RAPGEF4: variants seen among roughly 807,000 people sequenced by gnomAD.
RAPGEF4 encodes the protein RAP guanine-nucleotide-exchange factor (GEF) 4.
In RAPGEF4, 66 loss-of-function variants were observed where a neutral mutation model predicts 147.9. That is an observed-to-expected ratio of 0.45 (90% CI 0.37 to 0.55). The LOEUF (loss-of-function observed/expected upper bound fraction) is 0.55. Ranked by LOEUF, RAPGEF4 falls within the 20% of genes least tolerant of loss-of-function variation. The pLI is 0.00. For missense variants in RAPGEF4, 1,071 were observed against 1,257.3 expected (o/e 0.85, Z 2.24); for synonymous variants, 419 against 442.7 (o/e 0.95, Z 0.67).
intron 17 of RAPGEF4, among the ~76,000 whole-genome samples, chr2:173,009,747 A>G (rs1694832310): frequency 6.6e-6 from 1 of 152,206 alleles, no homozygotes; most frequent in African/African-American, 2.4e-5. Context: ...ATTGACAGGT[A>G]TTAAACTATA....
intron 6 of RAPGEF4, among the ~76,000 whole-genome samples, chr2:172,959,553 A>G (rs913444077): frequency 1.3e-5 from 2 of 152,124 alleles, no homozygotes; most frequent in Admixed American, 6.5e-5. Flanking sequence ...TCTGCCTACC[A>G]CAATCTCATA....
intron 23 of RAPGEF4, among the ~76,000 whole-genome samples, chr2:173,022,723 AAT>A (rs1329865522): frequency 4.6e-5 from 7 of 152,234 alleles, no homozygotes; most frequent in Non-Finnish European, 8.8e-5. Context: ...AGCAGCCTGG[AAT>A]AGAACAAGTC....
chr2:172,975,334 T>G (rs1690958312), intron 10 of RAPGEF4, among the ~76,000 whole-genome samples: 1 of 152,168 alleles, frequency 6.6e-6, no homozygotes. Flanking sequence ...TACCACTGTA[T>G]AGTTTATATA....
chr2:172,746,453 C>T (rs1694775772), intron 1 of RAPGEF4, among the ~76,000 whole-genome samples: 2 of 152,064 alleles, frequency 1.3e-5, no homozygotes, highest in African/African-American at 4.8e-5. Context: ...CCTCTAATTG[C>T]AACTGTGGAA....
chr2:173,036,717 C>G, intron 29 of RAPGEF4, 25 bp downstream of exon 29: 1 of 1,501,232 alleles, frequency 6.7e-7, no homozygotes, highest in Non-Finnish European at 9.1e-7. Context: ...ATAACCTTAA[C>G]CACAATGTGT....
At chr2:172,836,506 G>T (rs1690948271) in intron 4 of RAPGEF4, among the ~76,000 whole-genome samples, 1 of 152,170 alleles carries the variant, frequency 6.6e-6, no homozygotes, top group Non-Finnish European at 1.5e-5. Context: ...GTGTTGCCTG[G>T]TAGAATAATA....
chr2:172,749,823 T>G (rs1417399373), intron 1 of RAPGEF4, among the ~76,000 whole-genome samples: 2 of 152,202 alleles, frequency 1.3e-5, no homozygotes, highest in Non-Finnish European at 2.9e-5. Context: ...TCCCCCCAAG[T>G]CATTTCTTGA....
chr2:172,963,197 C>T (rs749781983), intron 8 of RAPGEF4, among the ~76,000 whole-genome samples: 7 of 152,198 alleles, frequency 4.6e-5, no homozygotes, highest in Non-Finnish European at 1.5e-5. Context: ...CACCTCCCAC[C>T]AGGCCCTTCC....
chr2:172,812,800 G>A (rs1688153189), intron 3 of RAPGEF4, among the ~76,000 whole-genome samples: 1 of 152,196 alleles, frequency 6.6e-6, no homozygotes, highest in Non-Finnish European at 1.5e-5. Flanking sequence ...ATAGAAAAAT[G>A]AAATAGGCTA....
intron 4 of RAPGEF4, among the ~76,000 whole-genome samples, chr2:172,877,819 T>G (rs1489573986): frequency 2.0e-5 from 3 of 152,190 alleles, no homozygotes; most frequent in African/African-American, 7.2e-5. Flanking sequence ...ACCTTCTGTC[T>G]TCTCCATACC....
At chr2:172,824,985 A>G (rs1318057920) in intron 4 of RAPGEF4, among the ~76,000 whole-genome samples, 1 of 152,190 alleles carries the variant, frequency 6.6e-6, no homozygotes, top group African/African-American at 2.4e-5. Flanking sequence ...ATATGATCAC[A>G]TTTATTTTCA....
intron 6 of RAPGEF4, among the ~76,000 whole-genome samples, chr2:172,927,802 C>T (rs1012978928): frequency 3.9e-5 from 6 of 152,160 alleles, no homozygotes; most frequent in Admixed American, 2.6e-4. Context: ...ATGAAGACAC[C>T]TTGGCCAGTG....
chr2:172,978,198 AC>A (rs34723448), intron 10 of RAPGEF4, among the ~76,000 whole-genome samples: 25,229 of 149,182 alleles, frequency 0.17, 2,581 homozygotes, highest in East Asian at 0.55. Flanking sequence ...TAGTGGTCAC[AC>A]CCCCCCCAGA....
chr2:172,792,658 A>G (rs1559043600), intron 1 of RAPGEF4, among the ~76,000 whole-genome samples: 1 of 152,208 alleles, frequency 6.6e-6, no homozygotes, highest in Non-Finnish European at 1.5e-5. Context: ...AAGCTCAGGA[A>G]AGCCTGTATC....
intron 1 of RAPGEF4, among the ~76,000 whole-genome samples, chr2:172,747,620 C>T (rs1374886498): frequency 6.6e-6 from 1 of 152,160 alleles, no homozygotes; most frequent in Non-Finnish European, 1.5e-5. Context: ...CACCTACCAC[C>T]ATGCCTGGAA....
At chr2:172,930,063 AGTTCTT>A (rs1685758156) in intron 6 of RAPGEF4, among the ~76,000 whole-genome samples, 1 of 152,144 alleles carries the variant, frequency 6.6e-6, no homozygotes, top group Admixed American at 6.5e-5. Context: ...GGGGCTGTGA[AGTTCTT>A]GTTAAGAAGA....
chr2:172,750,300 G>A (rs1695153815), intron 1 of RAPGEF4, among the ~76,000 whole-genome samples: 1 of 152,012 alleles, frequency 6.6e-6, no homozygotes, highest in Non-Finnish European at 1.5e-5. Flanking sequence ...AGGTTTAATG[G>A]ACTCACAATT....
chr2:172,840,606 T>A (rs559409914), intron 4 of RAPGEF4, among the ~76,000 whole-genome samples: 72 of 152,394 alleles, frequency 4.7e-4, no homozygotes, highest in African/African-American at 1.7e-3. Context: ...TCATCACTGC[T>A]GACTGTCACA....
intron 1 of RAPGEF4, among the ~76,000 whole-genome samples, chr2:172,788,761 ATGCACACCTGTAG>A (rs1685505196): frequency 6.6e-6 from 1 of 152,002 alleles, no homozygotes; most frequent in Non-Finnish European, 1.5e-5. Flanking sequence ...GAGCATGGTG[ATGCACACCTGTAG>A]TCCCAGCTAC....
Sources: gnomAD v4.1 joint callset for allele counts (sites outside exome capture counted in the v4.1 genomes callset) on GRCh38, gnomAD v4.1.1 for gene constraint, MANE v1.5 for transcripts, NCBI Gene and HGNC (gene_info 2026-07-23, HGNC 2026-07-21) for gene names.